PCNX2: variants seen among roughly 807,000 people sequenced by gnomAD.
PCNX2 encodes the protein pecanex-like protein 2.
A neutral mutation model predicts 223.8 loss-of-function variants in PCNX2; 168 were observed. The ratio of observed to expected loss-of-function variants is 0.75; its 90% confidence interval spans 0.66 to 0.85. The LOEUF is 0.85. Among genes scored for constraint, PCNX2 ranks in the 40% least tolerant of loss-of-function variants. The pLI is 0.00. For missense variants in PCNX2, 2,507 were observed against 2,675.5 expected (o/e 0.94, Z 1.39); for synonymous variants, 1,006 against 1,052.6 (o/e 0.96, Z 0.86).
intron 32 of PCNX2, 134 bp downstream of exon 32, chr1:232,998,117 G>T: frequency 1.1e-6 from 1 of 898,032 alleles, no homozygotes; most frequent in Non-Finnish European, 1.6e-6. Context: ...ACAAGAGTCT[G>T]CAAATTTCCG....
chr1:233,157,719 A>C (rs1678210983), intron 19 of PCNX2, among the ~76,000 whole-genome samples: 2 of 152,250 alleles, frequency 1.3e-5, no homozygotes, highest in South Asian at 4.1e-4. Context: ...AGAAGAGGCA[A>C]GGAAATTCAG....
At chr1:233,063,144 G>A (rs1234360641) in intron 23 of PCNX2, among the ~76,000 whole-genome samples, 1 of 152,172 alleles carries the variant, frequency 6.6e-6, no homozygotes. Context: ...GGTGGAGGCA[G>A]GAGAATCTCT....
At chr1:232,996,269 CT>C (rs914128667) in intron 32 of PCNX2, among the ~76,000 whole-genome samples, 1 of 152,328 alleles carries the variant, frequency 6.6e-6, no homozygotes, top group South Asian at 2.1e-4. Context: ...CCACACCCCC[CT>C]GACTCTGGAC....
At chr1:233,070,710 CA>C (rs1037236982) in intron 23 of PCNX2, among the ~76,000 whole-genome samples, 3 of 151,836 alleles carry the variant, frequency 2.0e-5, no homozygotes, top group African/African-American at 7.3e-5. Flanking sequence ...GAATTAGATG[CA>C]AATTTCCTCA....
At chr1:233,045,338 A>G (rs1321724088) in intron 25 of PCNX2, among the ~76,000 whole-genome samples, 1 of 152,218 alleles carries the variant, frequency 6.6e-6, no homozygotes. Context: ...ATTGAAGTCC[A>G]AGGTGGTCTT....
chr1:233,291,703 A>G, intron 1 of PCNX2: 5 of 985,014 alleles, frequency 5.1e-6, no homozygotes, highest in Non-Finnish European at 6.0e-6. Context: ...AATCATGCCC[A>G]TATGCCCCTG....
At chr1:233,270,815 G>A (rs116101844) in intron 1 of PCNX2, among the ~76,000 whole-genome samples, 2,023 of 152,154 alleles carry the variant, frequency 0.013, 17 homozygotes, top group Non-Finnish European at 0.021. Flanking sequence ...TGTCTGGACC[G>A]TTAGGATGGT....
intron 1 of PCNX2, among the ~76,000 whole-genome samples, chr1:233,276,728 C>G (rs1003523132): frequency 6.6e-6 from 1 of 152,174 alleles, no homozygotes; most frequent in African/African-American, 2.4e-5. Flanking sequence ...AGCTACAAAG[C>G]AGAAGTCCCA....
chr1:233,026,845 ATAT>A lies in PCNX2; in HGVS notation c.4352-1449_4352-1447del, dbSNP rs578034827. On this transcript the variant is annotated intron_variant, in intron 25 of 33. Coordinates refer to ENST00000258229, the MANE Select transcript of PCNX2 (RefSeq NM_014801.4). Reference sequence around the variant, plus strand: ...ACATATGTTAAGTTTTAAGTGCCTAATATATCAAAATGGAGATGTCAGGGAGGC... The same window carrying A: ...ACATATGTTAAGTTTTAAGTGCCTAAATCAAAATGGAGATGTCAGGGAGGC... Among the ~76,000 whole-genome samples, 113 of 152,322 alleles carry A rather than the reference ATAT, an allele frequency of 7.4e-4. 1 individual carries two copies. The highest frequency in any genetic ancestry group is 6.4e-3 in the Admixed American group (98 of 15,296).
At chr1:233,017,922 G>A (rs994893465) in intron 26 of PCNX2, among the ~76,000 whole-genome samples, 2 of 152,218 alleles carry the variant, frequency 1.3e-5, no homozygotes, top group Non-Finnish European at 2.9e-5. Context: ...TGGTTCCTAG[G>A]CTAGGTTGAT....
rs764294728 is a variant in PCNX2, at chr1:233,090,161, C to G, written c.3976G>C (p.Ala1326Pro). 3 of 1,612,956 alleles carry G rather than the reference C, an allele frequency of 1.9e-6. No homozygotes were observed. Among genetic ancestry groups the G allele is most frequent in the Non-Finnish European group, 2.5e-6 (3 of 1,179,570 alleles). ...AATGGGGTAGAAAAGATTGATGTGG[C>G]AATCGTCTGAAAGAAAAGCATGGCA... ...HSAMLFFQTI[A>P]TSIFSTPLSP... The change falls in exon 23 of 34, where the codon GCC becomes CCC. Residue 1326 changes from alanine to proline, a missense_variant. Transcript: ENST00000258229.
chr1:233,101,791 A>G (rs894607865), intron 21 of PCNX2, among the ~76,000 whole-genome samples: 2 of 152,220 alleles, frequency 1.3e-5, no homozygotes, highest in Non-Finnish European at 2.9e-5. Context: ...GGAGCTGAGG[A>G]ATTGGGTTTT....
intron 25 of PCNX2, among the ~76,000 whole-genome samples, chr1:233,035,909 C>T (rs955374959): frequency 1.3e-5 from 2 of 152,126 alleles, no homozygotes; most frequent in African/African-American, 4.8e-5. Flanking sequence ...TATCCTCCTG[C>T]ATGTATAGTG....
chr1:233,016,682 T>A, intron 27 of PCNX2: 9 of 783,224 alleles, frequency 1.1e-5, no homozygotes, highest in Non-Finnish European at 1.4e-5. Flanking sequence ...AAAACTTCGC[T>A]GGCCCTGAGC....
intron 23 of PCNX2, among the ~76,000 whole-genome samples, chr1:233,081,071 G>C (rs554020079): frequency 6.6e-6 from 1 of 152,174 alleles, no homozygotes; most frequent in East Asian, 1.9e-4. Flanking sequence ...CATCTGGGCC[G>C]GGTGTGGTGG....
At position 233,135,008 on chromosome 1, in the gene PCNX2, C is replaced by T. The variant is rs768125078; in HGVS notation, c.3837+5G>A. The T allele has an allele frequency of 1.3e-6, 2 of 1,587,740 alleles. No homozygotes were observed. The highest frequency in any genetic ancestry group is 4.5e-5 in the East Asian group (2 of 44,754). On this transcript the variant is annotated splice_donor_5th_base_variant and intron_variant, in intron 21 of 33. Transcript: ENST00000258229. The stretch of plus-strand genomic sequence containing the variant: ...TAAAATGAAGAAAATAGCTAATTCA[C>T]TTGCCTTGCTAAATAAAATGGACAC...
At chr1:233,202,612 ATGAGCCTT>A (rs1681184966) in intron 13 of PCNX2, among the ~76,000 whole-genome samples, 1 of 152,200 alleles carries the variant, frequency 6.6e-6, no homozygotes, top group African/African-American at 2.4e-5. Context: ...AGGCCAAGAA[ATGAGCCTT>A]TAAACAAGAC....
At chr1:233,145,662 G>GCT (rs1677401590) in intron 19 of PCNX2, among the ~76,000 whole-genome samples, 1 of 152,120 alleles carries the variant, frequency 6.6e-6, no homozygotes, top group Non-Finnish European at 1.5e-5. Context: ...AGGCTGCCAG[G>GCT]GGCAGGGCAT....
chr1:233,261,189 A>AT, intron 4 of PCNX2, 96 bp downstream of exon 4: 1 of 1,168,652 alleles, frequency 8.6e-7, no homozygotes, highest in Non-Finnish European at 1.3e-6. Context: ...TATAGTTCTT[A>AT]TTTTCAATTA....
Sources: gnomAD v4.1 joint callset for allele counts (sites outside exome capture counted in the v4.1 genomes callset) on GRCh38, gnomAD v4.1.1 for gene constraint, MANE v1.5 for transcripts, NCBI Gene and HGNC (gene_info 2026-07-23, HGNC 2026-07-21) for gene names.